Variants in FAM83F observed in about 807,000 individuals in gnomAD.
FAM83F encodes protein FAM83F.
Under a neutral mutation model 42.9 loss-of-function variants are expected in FAM83F, and 45 were observed. The ratio of observed to expected loss-of-function variants is 1.05; its 90% CI spans 0.83 to 1.35. FAM83F has a LOEUF of 1.35. FAM83F is among the 40% of genes most tolerant of loss of function. FAM83F has a pLI of 0.00. For missense variants in FAM83F, 617 were observed against 695.9 expected (o/e 0.89, Z 1.28); for synonymous variants, 306 against 298.3 (o/e 1.03, Z -0.27).
At chr22:40,013,911 T>C (rs2067480365) in intron 1 of FAM83F, among the ~76,000 whole-genome samples, 2 of 151,950 alleles carry the variant, frequency 1.3e-5, no homozygotes, top group Admixed American at 1.3e-4. Context: ...CTTTCATTCC[T>C]TCTTTTATTT....
intron 2 of FAM83F, 33 bp from the exon 3 acceptor site, chr22:40,019,854 C>T (rs1475899098): frequency 2.5e-6 from 4 of 1,586,680 alleles, no homozygotes; most frequent in Non-Finnish European, 3.4e-6. Flanking sequence ...CTGGCCCAAC[C>T]CAGGTGACAG....
rs1356786878 is a variant in FAM83F, at chr22:40,031,308, G to A, written c.*1743G>A. The A allele has an allele frequency of 6.6e-6, 1 of 152,194 alleles. No individual in the cohort carries two copies. The highest frequency in any genetic ancestry group is 1.5e-5 in the Non-Finnish European group (1 of 68,046). The allele number at this position is 152,194 out of a possible 1,614,324, so 9.4% of individuals were successfully genotyped here. A position where few individuals can be genotyped will look rare whatever the true frequency, so the allele number is the denominator to read the frequency against. On this transcript the variant is annotated 3_prime_UTR_variant, in exon 5 of 5. Coordinates refer to ENST00000333407, the MANE Select transcript of FAM83F (RefSeq NM_138435.4). ...TCAGCTCGAGGCGGACACCTTGAAG[G>A]TATGGGACATGAAATGTGTAAACTG... is the stretch of plus-strand genomic sequence containing the variant.
At position 40,021,294 on chromosome 22, in the gene FAM83F, A is replaced by C. The variant is rs754754707; in HGVS notation, c.784A>C (p.Thr262Pro). ...TTTCTGTCCCCACGTTCCCAGGTTC[A>C]CCTGGAGTTCCTCCCATGTGGACAG... is the stretch of plus-strand genomic sequence containing the variant. ...DKVATGSYRF[T>P]WSSSHVDRNL... Residue 262 changes from threonine to proline, a missense_variant, in exon 4 of 5, where the codon ACC becomes CCC. Physicochemically the swap from Thr to Pro is conservative, Grantham distance 38. Transcript: ENST00000333407. This position sits in a 1 kb window ranked among gnomAD's most constrained non-coding sequence, Gnocchi z 8.7. 59 of 1,538,940 alleles carry C rather than the reference A, an allele frequency of 3.8e-5. No homozygotes were observed. The East Asian group carries it at 1.3e-3, about 35-fold the overall frequency.
chr22:39,994,970 G>T lies in FAM83F; in HGVS notation c.-73G>T, dbSNP rs2067364950. 14 of 1,199,284 alleles carry T rather than the reference G, an allele frequency of 1.2e-5. No individual in the cohort carries two copies. Among genetic ancestry groups the T allele is most frequent in the African/African-American group, 1.6e-5 (1 of 62,744 alleles). The allele number at this position is 1,199,284 out of a possible 1,614,324, so 74.3% of individuals were successfully genotyped here. A position where few individuals can be genotyped will look rare whatever the true frequency, so the allele number is the denominator to read the frequency against. ...AGGTGAGGCGCCCCGCCCCTCGGCG[G>T]CTCCAGGTGCGGCTGTGGGACCTCG... On this transcript the variant is annotated 5_prime_UTR_variant, in exon 1 of 5. Coordinates refer to ENST00000333407, the MANE Select transcript of FAM83F (RefSeq NM_138435.4).
chr22:40,021,747 C>G lies in FAM83F; in HGVS notation c.1237C>G (p.Pro413Ala), dbSNP rs1455939319. The G allele has an allele frequency of 6.2e-7, 1 of 1,612,844 alleles. No individual in the cohort carries two copies. The highest frequency in any genetic ancestry group is 1.3e-5 in the African/African-American group (1 of 74,914). The change falls in exon 4 of 5, where the codon CCC becomes GCC. Residue 413 changes from proline to alanine, a missense_variant. Pro to Ala is a conservative substitution (Grantham distance 27). Transcript: ENST00000333407. This position sits in a 1 kb window ranked among gnomAD's most constrained non-coding sequence, Gnocchi z 8.7. ...CTCTCACATGCACAGAGACCTGAAG[C>G]CCAAATCCCGAGAGGCACCCAGCCG... ...MVSHMHRDLK[P>A]KSREAPSRNG... is the part of the protein sequence containing the mutation.
chr22:40,026,559 A>G (rs553238522), intron 4 of FAM83F, among the ~76,000 whole-genome samples: 30 of 152,156 alleles, frequency 2.0e-4, no homozygotes, highest in African/African-American at 5.5e-4. Flanking sequence ...TGTTCGGAAG[A>G]ACCAGAGCCC....
rs147405763 is a variant in FAM83F at position 40,021,419 on chromosome 22, G to A, written c.909G>A (p.Gln303=). Residue 303 remains glutamine, a synonymous_variant, in exon 4 of 5, where the codon CAG becomes CAA. Coordinates refer to ENST00000333407, the MANE Select transcript of FAM83F (RefSeq NM_138435.4). This position sits in a 1 kb window ranked among gnomAD's most constrained non-coding sequence, Gnocchi z 8.7. Reference sequence around the variant, plus strand: ...CCGAGGAGGTGGACTTGTACCGGCAGCTGAGCCTGGCGGGCAGGGTTGGCC... The same window carrying A: ...CCGAGGAGGTGGACTTGTACCGGCAACTGAGCCTGGCGGGCAGGGTTGGCC... ...AISEEVDLYR[Q]LSLAGRVGLH... is the part of the protein sequence containing the mutation. 354 of 1,613,568 alleles carry A rather than the reference G, an allele frequency of 2.2e-4. No individual in the cohort carries two copies. The highest frequency in any genetic ancestry group is 2.9e-4 in the Non-Finnish European group (340 of 1,179,730).
At chr22:40,010,991 G>T (rs1247385479) in intron 1 of FAM83F, among the ~76,000 whole-genome samples, 1 of 152,140 alleles carries the variant, frequency 6.6e-6, no homozygotes, top group South Asian at 2.1e-4. Context: ...TGGACCCCAG[G>T]TGCAAAGAGC....
chr22:40,019,365 A>G (rs778290235), intron 2 of FAM83F, 30 bp downstream of exon 2: 33 of 1,605,554 alleles, frequency 2.1e-5, no homozygotes, highest in Non-Finnish European at 2.6e-5. Context: ...TGGAAAGTGG[A>G]CAGGAGATGA....
At chr22:39,999,518 A>T (rs1434567687) in intron 1 of FAM83F, among the ~76,000 whole-genome samples, 2 of 152,130 alleles carry the variant, frequency 1.3e-5, no homozygotes, top group African/African-American at 4.8e-5. Flanking sequence ...AAACTGTCCA[A>T]TCTCCTCCGC....
At chr22:40,027,021 G>A (rs985510826) in intron 4 of FAM83F, among the ~76,000 whole-genome samples, 3 of 152,114 alleles carry the variant, frequency 2.0e-5, no homozygotes, top group African/African-American at 7.2e-5. Flanking sequence ...CGAAGTGTCT[G>A]CTCTGTGCCA....
intron 4 of FAM83F, among the ~76,000 whole-genome samples, chr22:40,028,788 G>A (rs367955674): frequency 7.2e-4 from 110 of 152,322 alleles, no homozygotes; most frequent in African/African-American, 2.3e-3. Context: ...CTTCAAAGGC[G>A]CGTCCTAAGC....
At position 40,042,402 on chromosome 22, in the gene FAM83F, G is replaced by T. The variant is rs182315718; in HGVS notation, c.*12837G>T. Reference sequence around the variant, plus strand: ...CTGCCACCAGAGAGCAAATGTCGTAGGTCACCACACATCACCAGTCTCTTG... The same window carrying T: ...CTGCCACCAGAGAGCAAATGTCGTATGTCACCACACATCACCAGTCTCTTG... On this transcript the variant is annotated 3_prime_UTR_variant, in exon 5 of 5. Transcript: ENST00000333407. The T allele has an allele frequency of 6.6e-6, 1 of 152,180 alleles. No individual in the cohort carries two copies. The highest frequency in any genetic ancestry group is 1.9e-4 in the East Asian group (1 of 5,206). 9.4% of individuals were successfully genotyped at this position (152,180 alleles called of 1,614,324 possible). A position where few individuals can be genotyped will look rare whatever the true frequency, so the allele number is the denominator to read the frequency against.
chr22:39,996,646 C>CT (rs2067374603), intron 1 of FAM83F, among the ~76,000 whole-genome samples: 1 of 152,148 alleles, frequency 6.6e-6, no homozygotes, highest in African/African-American at 2.4e-5. Context: ...CCCCTCGAGG[C>CT]TGAAGAGGCC....
In FAM83F at chr22:40,036,448, T is replaced by A. The variant is rs2146251527; in HGVS notation, c.*6883T>A. Reference sequence around the variant, plus strand: ...CAGGTTCATCCTTAGAGGGCTGCGGTCTTATCTGGTTGTGCAAAAGTCCCA... The same window carrying A: ...CAGGTTCATCCTTAGAGGGCTGCGGACTTATCTGGTTGTGCAAAAGTCCCA... On this transcript the variant is annotated 3_prime_UTR_variant, in exon 5 of 5. Coordinates refer to ENST00000333407, the MANE Select transcript of FAM83F (RefSeq NM_138435.4). 6.6e-6 allele frequency: 1 copy of A among 152,314 alleles called. No homozygotes were observed. The highest frequency in any genetic ancestry group is 2.1e-4 in the South Asian group (1 of 4,832). 9.4% of individuals were successfully genotyped at this position (152,314 alleles called of 1,614,324 possible).
At position 40,031,494 on chromosome 22, in the gene FAM83F, A is replaced by G. The variant is rs1055955479; in HGVS notation, c.*1929A>G. The G allele has an allele frequency of 3.3e-5, 5 of 152,304 alleles. No homozygotes were observed. Among genetic ancestry groups the G allele is most frequent in the Non-Finnish European group, 7.3e-5 (5 of 68,074 alleles). The allele number at this position is 152,304 out of a possible 1,614,324, so 9.4% of individuals were successfully genotyped here. The stretch of plus-strand genomic sequence containing the variant: ...CCTGCTTTGTCCCTTTACCTCCTCT[A>G]GGCCCAAAGCACACCCAGGTCCCTC... On this transcript the variant is annotated 3_prime_UTR_variant, in exon 5 of 5. Transcript: ENST00000333407.
intron 1 of FAM83F, among the ~76,000 whole-genome samples, chr22:39,996,418 A>G (rs747602339): frequency 5.9e-5 from 9 of 152,224 alleles, no homozygotes; most frequent in Non-Finnish European, 1.0e-4. Context: ...CAAACATGAC[A>G]TGAGACGTAC....
intron 1 of FAM83F, among the ~76,000 whole-genome samples, chr22:40,010,851 A>G (rs1358960081): frequency 6.6e-6 from 1 of 152,204 alleles, no homozygotes; most frequent in Non-Finnish European, 1.5e-5. Flanking sequence ...AGAACTCTGT[A>G]CATTGTGTTC....
At chr22:40,003,444 A>G (rs116053259) in intron 1 of FAM83F, among the ~76,000 whole-genome samples, 2,268 of 152,028 alleles carry the variant, frequency 0.015, 44 homozygotes, top group African/African-American at 0.052. Flanking sequence ...AGCAGAGCCT[A>G]TTTGGGGACA....
Sources: gnomAD v4.1 joint callset for allele counts (sites outside exome capture counted in the v4.1 genomes callset) on GRCh38, gnomAD v4.1.1 for gene constraint, Gnocchi (gnomAD v3.1) non-coding constraint, MANE v1.5 for transcripts, NCBI Gene and HGNC (gene_info 2026-07-23, HGNC 2026-07-21) for gene names.